Variants in PRKD2 observed in about 807,000 individuals in gnomAD.
PRKD2 encodes protein kinase D2, also known as serine/threonine-protein kinase D2.
Under a neutral mutation model 86.0 loss-of-function variants are expected in PRKD2, and 22 were observed. The observed-to-expected ratio is 0.26, with a 90% CI of 0.18 to 0.37. PRKD2 has a LOEUF of 0.37. Among genes scored for constraint, PRKD2 ranks in the 10% least tolerant of loss-of-function variants. The probability of loss-of-function intolerance (pLI) is 1.00; values close to 1 mark genes in which losing one functional copy is unlikely to be tolerated. For missense variants in PRKD2, 818 were observed against 1,199.2 expected, an observed-to-expected ratio of 0.68 and a Z score of 4.70; for synonymous variants, 509 against 510.9, an observed-to-expected ratio of 1.00 and a Z score of 0.05.
intron 7 of PRKD2, among the ~76,000 whole-genome samples, chr19:46,698,315 G>C (rs769889476): frequency 6.6e-6 from 1 of 151,974 alleles, no homozygotes; most frequent in East Asian, 1.9e-4. Flanking sequence ...CATCCGCCTC[G>C]GCCTCCCAGA....
intron 9 of PRKD2, among the ~76,000 whole-genome samples, chr19:46,695,213 A>G (rs2053539878): frequency 6.6e-6 from 1 of 151,266 alleles, no homozygotes; most frequent in African/African-American, 2.4e-5. Flanking sequence ...TGGGCTGGGC[A>G]TGGTGGCTCA....
At position 46,678,392 on chromosome 19, in the gene PRKD2, G is replaced by A; in HGVS notation, c.2338+4C>T. 2 of 1,613,970 alleles carry A rather than the reference G, an allele frequency of 1.2e-6. No homozygotes were observed. The highest frequency in any genetic ancestry group is 1.7e-6 in the Non-Finnish European group (2 of 1,179,970). On this transcript the variant is annotated splice_donor_region_variant and intron_variant, in intron 16 of 17. Coordinates refer to ENST00000291281, the MANE Select transcript of PRKD2 (RefSeq NM_016457.5). This position sits in a 1 kb window ranked among gnomAD's most constrained non-coding sequence, Gnocchi z 5.7. ...CGCCCATGGGGTAGGCGGGCCCCAG[G>A]CACCTCCAGCTGAGATGTGGCTCCA...
At chr19:46,707,580 ACT>A (rs1457454050) in intron 3 of PRKD2, among the ~76,000 whole-genome samples, 2 of 151,952 alleles carry the variant, frequency 1.3e-5, no homozygotes, top group Admixed American at 6.6e-5. Context: ...ACGGAGCAAG[ACT>A]CTGTCTCACA....
In PRKD2 at chr19:46,674,431, G is replaced by C; in HGVS notation, c.*92C>G. On this transcript the variant is annotated 3_prime_UTR_variant, in exon 18 of 18. Coordinates refer to ENST00000291281, the MANE Select transcript of PRKD2 (RefSeq NM_016457.5). ...ACTCCCCACGTGTCCCATCCAGTTT[G>C]GGCAGGAAGCCACTTTCCCTAGAAC... 1.5e-6 allele frequency: 2 copies of C among 1,371,548 alleles called. No individual in the cohort carries two copies. Among genetic ancestry groups the C allele is most frequent in the Non-Finnish European group, 2.0e-6 (2 of 1,017,318 alleles). 85.0% of individuals were successfully genotyped at this position (1,371,548 alleles called of 1,614,324 possible).
intron 15 of PRKD2, among the ~76,000 whole-genome samples, chr19:46,680,859 T>C (rs1416975485): frequency 7.0e-6 from 1 of 143,032 alleles, no homozygotes; most frequent in East Asian, 2.1e-4. Context: ...ATGAGCCACC[T>C]CCCCTGGCCT....
chr19:46,692,652 A>G (rs1172909107), intron 10 of PRKD2, among the ~76,000 whole-genome samples: 2 of 152,044 alleles, frequency 1.3e-5, no homozygotes, highest in African/African-American at 4.8e-5. Flanking sequence ...CTCAGGAAGA[A>G]GCCTGAGCCC....
At chr19:46,695,892 G>A (rs1272821828) in intron 9 of PRKD2, among the ~76,000 whole-genome samples, 1 of 152,104 alleles carries the variant, frequency 6.6e-6, no homozygotes, top group African/African-American at 2.4e-5. Context: ...AGGCAGGAGT[G>A]CAGTGACGCG....
At position 46,693,747 on chromosome 19, in the gene PRKD2, G is replaced by T; in HGVS notation, c.1576+128C>A. 1 of 1,351,362 alleles carries T rather than the reference G, an allele frequency of 7.4e-7. No homozygotes were observed. The highest frequency in any genetic ancestry group is 1.0e-6 in the Non-Finnish European group (1 of 999,444). The allele number at this position is 1,351,362 out of a possible 1,614,324, so 83.7% of individuals were successfully genotyped here. A position where few individuals can be genotyped will look rare whatever the true frequency, so the allele number is the denominator to read the frequency against. On this transcript the variant is annotated intron_variant, in intron 10 of 17. Transcript: ENST00000291281. The surrounding 1 kb of genome is among the most constrained non-coding windows in gnomAD (Gnocchi z 4.5). The stretch of plus-strand genomic sequence containing the variant: ...ATTAACAGAGTTTGAACCCAGGCCT[G>T]CTGAGTCCAGAAGCTGCGTTCTCAA...
chr19:46,693,324 A>G lies in PRKD2; in HGVS notation c.1576+551T>C, dbSNP rs1402050109. The stretch of plus-strand genomic sequence containing the variant: ...CAGCACTGTCCCGCACAGAGGAGGC[A>G]CTCAGTAAGTGCATGAGGACTTATC... On this transcript the variant is annotated intron_variant, in intron 10 of 17. Transcript: ENST00000291281. The surrounding 1 kb of genome is among the most constrained non-coding windows in gnomAD (Gnocchi z 4.5). 6.6e-6 allele frequency among the ~76,000 whole-genome samples: 1 copy of G among 152,178 alleles called. No individual in the cohort carries two copies. The highest frequency in any genetic ancestry group is 1.5e-5 in the Non-Finnish European group (1 of 68,028).
intron 5 of PRKD2, among the ~76,000 whole-genome samples, 179 bp downstream of exon 5, chr19:46,703,990 C>CACACACACACACACACACAA (rs2053673549): frequency 1.3e-5 from 2 of 149,470 alleles, no homozygotes; most frequent in Non-Finnish European, 3.0e-5. Flanking sequence ...CACACACACA[C>CACACACACACACACACACAA]ACAACTGAGG....
chr19:46,681,426 T>G (rs1189282236), intron 15 of PRKD2, among the ~76,000 whole-genome samples: 2 of 151,916 alleles, frequency 1.3e-5, no homozygotes, highest in Non-Finnish European at 2.9e-5. Context: ...GGCTATTTTT[T>G]TTTTCATTTT....
intron 3 of PRKD2, 29 bp from the exon 4 acceptor site, chr19:46,704,678 A>G: frequency 6.4e-7 from 1 of 1,570,032 alleles, no homozygotes; most frequent in Non-Finnish European, 8.6e-7. Context: ...AGTAAGAGAC[A>G]TGGCGTCTGC....
At position 46,701,123 on chromosome 19, in the gene PRKD2, A is replaced by G. The variant is rs1281210481; in HGVS notation, c.890-11T>C. ...AGTTAAACTTGCAGTCTGGTAGGAC[A>G]GGGAACAAGGGAACGGGTGAGAAGG... On this transcript the variant is annotated splice_polypyrimidine_tract_variant and intron_variant, in intron 5 of 17. Transcript: ENST00000291281. 6.2e-6 allele frequency: 10 copies of G among 1,613,044 alleles called. No individual in the cohort carries two copies. Among genetic ancestry groups the G allele is most frequent in the East Asian group, 2.2e-5 (1 of 44,860 alleles).
Position 46,691,822 on chromosome 19 carries a change from C to T in PRKD2, c.1630-15G>A, listed in dbSNP as rs771315826. 6.2e-7 allele frequency: 1 copy of T among 1,613,932 alleles called. No homozygotes were observed. Among genetic ancestry groups the T allele is most frequent in the South Asian group, 1.1e-5 (1 of 91,078 alleles). ...GTGGCAATGTCCTACAGGGTGAAGACAGGGCAGGTCAGGGGTGCAAATGGA... is the reference window on the plus strand; with the variant it reads ...GTGGCAATGTCCTACAGGGTGAAGATAGGGCAGGTCAGGGGTGCAAATGGA... On this transcript the variant is annotated splice_polypyrimidine_tract_variant and intron_variant, in intron 11 of 17. Coordinates refer to ENST00000291281, the MANE Select transcript of PRKD2 (RefSeq NM_016457.5).
In PRKD2 at chr19:46,674,619, A is replaced by T. The variant is rs1385633039; in HGVS notation, c.2541T>A (p.Pro847=). 1 of 1,608,610 alleles carries T rather than the reference A, an allele frequency of 6.2e-7. No individual in the cohort carries two copies. Among genetic ancestry groups the T allele is most frequent in the Non-Finnish European group, 8.5e-7 (1 of 1,179,780 alleles). The part of the protein sequence containing the change: ...WEQFAAEHPL[P]GSGLPTDRDL... Reference sequence around the variant, plus strand: ...CCCTGTCCGTGGGCAGCCCAGACCCAGGCAGCGGATGCTCTGCTGCAAACT... The same window carrying T: ...CCCTGTCCGTGGGCAGCCCAGACCCTGGCAGCGGATGCTCTGCTGCAAACT... Residue 847 remains proline, a synonymous_variant, in exon 18 of 18, where the codon CCT becomes CCA. Transcript: ENST00000291281.
intron 15 of PRKD2, 67 bp downstream of exon 15, chr19:46,681,583 T>G: frequency 4.6e-5 from 31 of 671,490 alleles, no homozygotes; most frequent in East Asian, 1.4e-4. Flanking sequence ...ATAATCCCCT[T>G]CCCCACCCCC....
At chr19:46,689,199 G>T (rs1285814363) in intron 14 of PRKD2, 1 of 158,442 alleles carries the variant, frequency 6.3e-6, no homozygotes, top group Admixed American at 6.8e-5. Context: ...TCGGCTCACT[G>T]CAAGCTCCAT....
chr19:46,699,650 G>C (rs562310474), intron 7 of PRKD2, among the ~76,000 whole-genome samples: 1 of 152,232 alleles, frequency 6.6e-6, no homozygotes, highest in East Asian at 1.9e-4. Flanking sequence ...AAACATTCAC[G>C]CCACACCCAG....
chr19:46,694,590 G>A (rs569705773), intron 9 of PRKD2, among the ~76,000 whole-genome samples: 6 of 151,716 alleles, frequency 4.0e-5, no homozygotes, highest in African/African-American at 7.3e-5. Flanking sequence ...GTGAGATTCC[G>A]TCTCAAAAAT....
Sources: allele counts gnomAD v4.1 joint callset (sites outside exome capture counted in the v4.1 genomes callset), GRCh38; gene constraint gnomAD v4.1.1; non-coding constraint Gnocchi (gnomAD v3.1); transcripts MANE v1.5; gene names NCBI Gene and HGNC (gene_info 2026-07-23, HGNC 2026-07-21).